The following WHRN variants were observed in gnomAD, a reference collection of about 807,000 sequenced individuals.
The protein encoded by WHRN is whirlin.
A neutral mutation model predicts 68.3 loss-of-function variants in WHRN; 41 were observed. The ratio of observed to expected loss-of-function variants is 0.60; its 90% CI spans 0.47 to 0.78. The LOEUF is 0.78. WHRN is among the 30% of genes least tolerant of loss of function. WHRN has a pLI of 0.00. For synonymous variants in WHRN, 560 were observed against 561.3 expected, an observed-to-expected ratio of 1.00 and a Z score of 0.03; for missense variants, 1,243 against 1,244.7, an observed-to-expected ratio of 1.00 and a Z score of 0.02.
chr9:114,445,504 G>C (rs1215583886), intron 3 of WHRN, among the ~76,000 whole-genome samples: 2 of 152,080 alleles, frequency 1.3e-5, no homozygotes, highest in Non-Finnish European at 2.9e-5. Context: ...TCTTCAAATT[G>C]TATACAAAGA....
intron 3 of WHRN, among the ~76,000 whole-genome samples, chr9:114,440,822 T>C (rs1206068304): frequency 2.0e-5 from 3 of 152,186 alleles, no homozygotes; most frequent in Non-Finnish European, 4.4e-5. Context: ...TTGCATATCA[T>C]AGTAAAAAGT....
At chr9:114,436,258 G>A (rs991349522) in intron 3 of WHRN, among the ~76,000 whole-genome samples, 1 of 152,154 alleles carries the variant, frequency 6.6e-6, no homozygotes, top group African/African-American at 2.4e-5. Flanking sequence ...GATTTTTAGA[G>A]GGGTGATACT....
In WHRN at chr9:114,423,663, A is replaced by C. The variant is rs1215130126; in HGVS notation, c.1417-140T>G. 3 of 795,884 alleles carry C rather than the reference A, an allele frequency of 3.8e-6. No homozygotes were observed. In the Admixed American group the frequency reaches 8.7e-5, roughly 23 times the overall value. The allele number at this position is 795,884 out of a possible 1,614,324, so 49.3% of individuals were successfully genotyped here. A position where few individuals can be genotyped will look rare whatever the true frequency, so the allele number is the denominator to read the frequency against. On this transcript the variant is annotated intron_variant, in intron 6 of 11. Coordinates refer to ENST00000362057, the MANE Select transcript of WHRN (RefSeq NM_015404.4). ...ACTGTCTGGCTCCCCAGTGCTCTCA[A>C]GAGAAAGGCCAAACACCGTCACCTG...
chr9:114,462,504 C>G (rs1265229226), intron 3 of WHRN, among the ~76,000 whole-genome samples: 4 of 152,270 alleles, frequency 2.6e-5, no homozygotes, highest in Non-Finnish European at 1.5e-5. Flanking sequence ...GGGCTCCAGT[C>G]CTTCCCTGCT....
chr9:114,411,087 T>TA lies in WHRN; in HGVS notation c.1627-3070dup, dbSNP rs1835403593. 2.0e-5 allele frequency among the ~76,000 whole-genome samples: 3 copies of TA among 152,226 alleles called. No homozygotes were observed. In the South Asian group the frequency reaches 6.2e-4, roughly 31 times the overall value. ...CACAATGTACGAGGAAGGTGACTGTTACGTGCATTGGGAGACTGGGAGGCC... is the reference window on the plus strand; with the variant it reads ...CACAATGTACGAGGAAGGTGACTGTTAACGTGCATTGGGAGACTGGGAGGCC... On this transcript the variant is annotated intron_variant, in intron 7 of 11. Coordinates refer to ENST00000362057, the MANE Select transcript of WHRN (RefSeq NM_015404.4).
intron 1 of WHRN, among the ~76,000 whole-genome samples, chr9:114,486,049 G>A (rs1842449387): frequency 6.6e-6 from 1 of 152,054 alleles, no homozygotes; most frequent in Admixed American, 6.6e-5. Flanking sequence ...CTGTTGAAAA[G>A]ATTTAAGAAA....
chr9:114,478,678 C>A lies in WHRN; in HGVS notation c.712G>T (p.Asp238Tyr). ...GGGGAGATGCTGCGGCCCTGCGGGTCCACCCAGGTGTAGATGTGGTTGGTG... is the reference window on the plus strand; with the variant it reads ...GGGGAGATGCTGCGGCCCTGCGGGTACACCCAGGTGTAGATGTGGTTGGTG... Reference protein sequence around the residue: ...YVTNHIYTWVDPQGRSISPPS... With the variant: ...YVTNHIYTWVYPQGRSISPPS... The change falls in exon 2 of 12, where the codon GAC (aspartate) becomes TAC (tyrosine). Residue 238 changes from aspartate to tyrosine, a missense_variant. Coordinates refer to ENST00000362057, the MANE Select transcript of WHRN (RefSeq NM_015404.4). 6.2e-7 allele frequency: 1 copy of A among 1,613,200 alleles called. No individual in the cohort carries two copies. Among genetic ancestry groups the A allele is most frequent in the Non-Finnish European group, 8.5e-7 (1 of 1,179,958 alleles).
chr9:114,433,054 G>A (rs1381268888), intron 3 of WHRN, among the ~76,000 whole-genome samples: 1 of 152,180 alleles, frequency 6.6e-6, no homozygotes, highest in Non-Finnish European at 1.5e-5. Flanking sequence ...ACGGGAAGTA[G>A]AGTCATTAAG....
At chr9:114,413,286 T>C (rs1835581544) in intron 7 of WHRN, among the ~76,000 whole-genome samples, 2 of 151,998 alleles carry the variant, frequency 1.3e-5, no homozygotes, top group Admixed American at 6.5e-5. Flanking sequence ...GAGAGCAATG[T>C]AGAGAAACTG....
At chr9:114,461,619 G>A (rs1840254350) in intron 3 of WHRN, among the ~76,000 whole-genome samples, 1 of 152,192 alleles carries the variant, frequency 6.6e-6, no homozygotes, top group Non-Finnish European at 1.5e-5. Flanking sequence ...CTGCACACTG[G>A]AACACTTCTT....
At chr9:114,438,116 TCCCAGTTA>T (rs1838027337) in intron 3 of WHRN, among the ~76,000 whole-genome samples, 1 of 152,036 alleles carries the variant, frequency 6.6e-6, no homozygotes, top group African/African-American at 2.4e-5. Flanking sequence ...ATGCCTGTAG[TCCCAGTTA>T]CCTGGGAGGC....
chr9:114,416,089 G>A (rs903943813), intron 7 of WHRN, among the ~76,000 whole-genome samples: 3 of 152,100 alleles, frequency 2.0e-5, no homozygotes, highest in African/African-American at 7.2e-5. Context: ...TCTTTTTGGG[G>A]GACAAGAGGA....
Position 114,406,573 on chromosome 9 carries a change from T to C in WHRN, c.2018A>G (p.Asn673Ser), listed in dbSNP as rs1835046457. ...RPLDAHLALV[N>S]QHPIGPFPRV... ...TGGGAAGGGGCCGATGGGGTGTTGG[T>C]TGACCAGGGCCAGATGGGCGTCCAG... The change falls in exon 9 of 12, where the codon AAC (asparagine) becomes AGC (serine). Residue 673 changes from asparagine to serine, a missense_variant. By Grantham distance (46) the Asn-to-Ser change is conservative. Transcript: ENST00000362057. 1 of 1,611,672 alleles carries C rather than the reference T, an allele frequency of 6.2e-7. No individual in the cohort carries two copies. The highest frequency in any genetic ancestry group is 8.5e-7 in the Non-Finnish European group (1 of 1,178,412).
In WHRN at chr9:114,406,244, G is replaced by GAGCCCCCT. The variant is rs1210389131; in HGVS notation, c.2236+103_2236+110dup. ...CAACTCCCTTCGCCACTCTGGCCCT[G>GAGCCCCCT]AGCCCCCTCAACAAGTAGCTGGTCC... On this transcript the variant is annotated intron_variant, in intron 9 of 11. Coordinates refer to ENST00000362057, the MANE Select transcript of WHRN (RefSeq NM_015404.4). 2.0e-6 allele frequency: 3 copies of GAGCCCCCT among 1,485,340 alleles called. No homozygotes were observed. In the East Asian group the frequency reaches 6.8e-5, roughly 34 times the overall value. The allele number at this position is 1,485,340 out of a possible 1,614,324, so 92.0% of individuals were successfully genotyped here.
At chr9:114,499,130 T>C (rs1176375023) in intron 1 of WHRN, among the ~76,000 whole-genome samples, 2 of 152,198 alleles carry the variant, frequency 1.3e-5, no homozygotes, top group Admixed American at 6.5e-5. Context: ...ATAAATAGTC[T>C]ATTGAAAAAA....
intron 3 of WHRN, among the ~76,000 whole-genome samples, chr9:114,448,111 A>G (rs887412634): frequency 1.3e-5 from 2 of 152,154 alleles, no homozygotes; most frequent in Non-Finnish European, 2.9e-5. Flanking sequence ...ATGTGACCTA[A>G]TTTGGAAATG....
chr9:114,482,727 C>T (rs1380383786), intron 1 of WHRN, among the ~76,000 whole-genome samples: 1 of 152,012 alleles, frequency 6.6e-6, no homozygotes, highest in Non-Finnish European at 1.5e-5. Context: ...ATGCGCAGAG[C>T]ATCATTTGTA....
chr9:114,418,324 A>G (rs532844154), intron 7 of WHRN, among the ~76,000 whole-genome samples: 1 of 152,310 alleles, frequency 6.6e-6, no homozygotes, highest in East Asian at 1.9e-4. Context: ...AGGAGACAAC[A>G]GGGCAGGGGC....
chr9:114,487,188 ATTT>A (rs199746650), intron 1 of WHRN, among the ~76,000 whole-genome samples: 1 of 136,496 alleles, frequency 7.3e-6, no homozygotes. Context: ...CCAAAAAAAA[ATTT>A]TTTTTTTTTT....
Sources: allele counts gnomAD v4.1 joint callset (sites outside exome capture counted in the v4.1 genomes callset), GRCh38; gene constraint gnomAD v4.1.1; transcripts MANE v1.5; gene names NCBI Gene and HGNC (gene_info 2026-07-23, HGNC 2026-07-21).